Variants in SUSD4 observed in about 807,000 individuals in gnomAD.
The protein encoded by SUSD4 is sushi domain containing 4.
A neutral mutation model predicts 50.5 loss-of-function variants in SUSD4; 41 were observed. That is an observed-to-expected ratio of 0.81 (90% CI 0.63 to 1.05). The LOEUF (loss-of-function observed/expected upper bound fraction) is 1.05, where lower values mean the gene tolerates loss of function less well. Among genes scored for constraint, SUSD4 ranks in the 50% least tolerant of loss-of-function variants. The probability of loss-of-function intolerance (pLI) is 0.00; values close to 1 mark genes in which losing one functional copy is unlikely to be tolerated. For missense variants in SUSD4, 580 were observed against 634.7 expected (o/e 0.91, Z 0.93); for synonymous variants, 257 against 257.3 (o/e 1.00, Z 0.01).
intron 2 of SUSD4, among the ~76,000 whole-genome samples, chr1:223,297,105 C>T (rs569519992): frequency 6.6e-6 from 1 of 152,308 alleles, no homozygotes; most frequent in African/African-American, 2.4e-5. Flanking sequence ...TGGTCAACTA[C>T]ATAAAGATCT....
rs565566518 is a variant in SUSD4, at chr1:223,271,758, GAA to G, written c.362-3085_362-3084del. On this transcript the variant is annotated intron_variant, in intron 3 of 8. Transcript: ENST00000366878. ...GGGTGAAGTAGGAAGAAGGTATCTA[GAA>G]AAAAGTATGTGCCCAGTGAGTTCTC... Among the ~76,000 whole-genome samples the G allele has an allele frequency of 1.0e-3, 154 of 152,224 alleles. 2 individuals carry two copies. Among genetic ancestry groups the G allele is most frequent in the African/African-American group, 3.7e-3 (153 of 41,534 alleles).
At chr1:223,347,434 C>T (rs371337492) in intron 2 of SUSD4, among the ~76,000 whole-genome samples, 23 of 152,136 alleles carry the variant, frequency 1.5e-4, no homozygotes, top group African/African-American at 4.8e-4. Context: ...AAATTCTCCC[C>T]TCTTCACAGT....
chr1:223,268,013 T>TATATATATATA (rs1553291074), intron 4 of SUSD4, among the ~76,000 whole-genome samples: 2,215 of 52,136 alleles, frequency 0.042, 139 homozygotes, highest in East Asian at 0.075. Flanking sequence ...CATGCATTTT[T>TATATATATATA]TATATATATA....
At chr1:223,330,247 A>G (rs1217374884) in intron 2 of SUSD4, among the ~76,000 whole-genome samples, 1 of 152,206 alleles carries the variant, frequency 6.6e-6, no homozygotes, top group Admixed American at 6.5e-5. Context: ...ACACTGGCAT[A>G]CTGTAGCAAG....
chr1:223,261,334 T>A (rs1233764723), intron 5 of SUSD4, among the ~76,000 whole-genome samples: 1 of 152,300 alleles, frequency 6.6e-6, no homozygotes, highest in East Asian at 1.9e-4. Flanking sequence ...AATCAGAACA[T>A]GTTAAATAGA....
intron 2 of SUSD4, among the ~76,000 whole-genome samples, chr1:223,339,260 C>A (rs911701359): frequency 6.6e-6 from 1 of 152,088 alleles, no homozygotes; most frequent in South Asian, 2.1e-4. Context: ...TTCAGAGGAA[C>A]GATGGGGGTG....
chr1:223,263,305 G>A (rs765502923), intron 5 of SUSD4, among the ~76,000 whole-genome samples: 31 of 152,108 alleles, frequency 2.0e-4, no homozygotes, highest in Non-Finnish European at 3.4e-4. Flanking sequence ...AGGCTAGGGC[G>A]ACCAGATTTA....
At chr1:223,299,368 G>GA (rs1162360657) in intron 2 of SUSD4, among the ~76,000 whole-genome samples, 1 of 152,194 alleles carries the variant, frequency 6.6e-6, no homozygotes, top group Non-Finnish European at 1.5e-5. Flanking sequence ...TCACGCATGA[G>GA]AACTAAGTAG....
chr1:223,349,435 G>T (rs533839956), intron 2 of SUSD4, among the ~76,000 whole-genome samples: 1 of 152,144 alleles, frequency 6.6e-6, no homozygotes, highest in East Asian at 1.9e-4. Context: ...ATCGAATAAT[G>T]TGAGTGTCTA....
At chr1:223,238,144 G>A (rs1571856278) in intron 5 of SUSD4, among the ~76,000 whole-genome samples, 1 of 151,966 alleles carries the variant, frequency 6.6e-6, no homozygotes, top group South Asian at 2.1e-4. Context: ...CAGTTGTTCA[G>A]AGCATTCCTT....
chr1:223,284,725 G>A (rs1186964064), intron 3 of SUSD4, among the ~76,000 whole-genome samples: 2 of 152,052 alleles, frequency 1.3e-5, no homozygotes, highest in African/African-American at 4.8e-5. Flanking sequence ...ATGGAACTGG[G>A]GGACATTATT....
intron 1 of SUSD4, 89 bp downstream of exon 1, chr1:223,363,968 T>C (rs1254600733): frequency 5.3e-5 from 8 of 151,606 alleles, no homozygotes; most frequent in African/African-American, 1.5e-4. Context: ...AATTCTCCCT[T>C]GGGGAGCTGC....
At chr1:223,307,943 A>G (rs1665644544) in intron 2 of SUSD4, among the ~76,000 whole-genome samples, 1 of 152,130 alleles carries the variant, frequency 6.6e-6, no homozygotes, top group Non-Finnish European at 1.5e-5. Context: ...CTTTCCCCCC[A>G]TGCTGTCCTT....
chr1:223,345,442 G>A (rs142106960), intron 2 of SUSD4, among the ~76,000 whole-genome samples: 2 of 152,030 alleles, frequency 1.3e-5, no homozygotes, highest in East Asian at 1.9e-4. Flanking sequence ...AGGCCCTGAC[G>A]CTCCCTCTGA....
chr1:223,341,324 G>A (rs965507652), intron 2 of SUSD4, among the ~76,000 whole-genome samples: 14 of 152,158 alleles, frequency 9.2e-5, no homozygotes, highest in African/African-American at 2.4e-4. Flanking sequence ...CATCTGACGC[G>A]GGCAGCCTCC....
At chr1:223,356,125 T>C (rs1558280174) in intron 2 of SUSD4, among the ~76,000 whole-genome samples, 1 of 152,260 alleles carries the variant, frequency 6.6e-6, no homozygotes, top group East Asian at 1.9e-4. Flanking sequence ...ATTACAATAC[T>C]CTCAATTAAG....
chr1:223,308,857 A>T (rs1665708790), intron 2 of SUSD4, among the ~76,000 whole-genome samples: 1 of 152,148 alleles, frequency 6.6e-6, no homozygotes, highest in African/African-American at 2.4e-5. Flanking sequence ...TGGCATCTTG[A>T]CCTGATGGCA....
intron 2 of SUSD4, among the ~76,000 whole-genome samples, chr1:223,299,694 C>T (rs1665058077): frequency 6.6e-6 from 1 of 152,154 alleles, no homozygotes; most frequent in African/African-American, 2.4e-5. Context: ...AAGCAGATTA[C>T]CCTCCCTAAG....
intron 2 of SUSD4, among the ~76,000 whole-genome samples, chr1:223,334,842 C>A (rs146101980): frequency 2.0e-5 from 3 of 152,102 alleles, no homozygotes; most frequent in African/African-American, 7.2e-5. Context: ...TCCCTCACCC[C>A]CTTCCTACCC....
Sources: allele counts gnomAD v4.1 joint callset (sites outside exome capture counted in the v4.1 genomes callset), GRCh38; gene constraint gnomAD v4.1.1; transcripts MANE v1.5; gene names NCBI Gene and HGNC (gene_info 2026-07-23, HGNC 2026-07-21).